The following ABCA1 variants were observed in gnomAD, a reference collection of about 807,000 sequenced individuals.
ABCA1 encodes the protein ATP binding cassette subfamily A member 1, also known as phospholipid-transporting ATPase ABCA1.
A neutral mutation model predicts 262.5 loss-of-function variants in ABCA1; 133 were observed. The observed-to-expected ratio is 0.51, with a 90% CI of 0.44 to 0.59. The LOEUF (loss-of-function observed/expected upper bound fraction) is 0.59. Ranked by LOEUF, ABCA1 falls within the 20% of genes least tolerant of loss-of-function variation. The probability of loss-of-function intolerance (pLI) is 0.00; values close to 1 mark genes in which losing one functional copy is unlikely to be tolerated. For synonymous variants in ABCA1, 1,022 were observed against 1,043.5 expected, an observed-to-expected ratio of 0.98 and a Z score of 0.40; for missense variants, 2,452 against 2,777.5, an observed-to-expected ratio of 0.88 and a Z score of 2.63.
At chr9:104,895,191 A>T (rs1192920949) in intron 2 of ABCA1, among the ~76,000 whole-genome samples, 1 of 152,218 alleles carries the variant, frequency 6.6e-6, no homozygotes, top group Non-Finnish European at 1.5e-5. Flanking sequence ...GGGTGGGAAG[A>T]TGGGAAGAAA....
rs1467223032 is a variant in ABCA1 at position 104,784,410 on chromosome 9, T to G, written c.6691A>C (p.Lys2231Gln). 4 of 1,614,096 alleles carry G rather than the reference T, an allele frequency of 2.5e-6. No homozygotes were observed. The highest frequency in any genetic ancestry group is 3.4e-6 in the Non-Finnish European group (4 of 1,179,982). ...TGGTTTTTGTGTAATGAGAGGTCTT[T>G]TAAGTGGTCATCATCACTTTGGTCC... ...AKDQSDDDHL[K>Q]DLSLHKNQTV... Residue 2231 changes from lysine to glutamine, a missense_variant, in exon 50 of 50, where the codon AAA becomes CAA. Around this residue, in one of 4 missense-constraint regions of ABCA1, gnomAD observed 752 missense variants for 944.5 expected, o/e 0.80. Transcript: ENST00000374736.
At chr9:104,907,892 C>T (rs1841268640) in intron 1 of ABCA1, among the ~76,000 whole-genome samples, 1 of 152,210 alleles carries the variant, frequency 6.6e-6, no homozygotes, top group African/African-American at 2.4e-5. Context: ...ATGTGACAAT[C>T]TCCACACCTC....
At chr9:104,802,405 A>G (rs1368624372) in intron 33 of ABCA1, among the ~76,000 whole-genome samples, 43 of 152,244 alleles carry the variant, frequency 2.8e-4, no homozygotes, top group Non-Finnish European at 5.9e-5. Context: ...TAGCTGAGAC[A>G]TTGAGGAAAG....
chr9:104,906,203 A>T (rs1841122130), intron 1 of ABCA1, among the ~76,000 whole-genome samples: 1 of 152,148 alleles, frequency 6.6e-6, no homozygotes, highest in Non-Finnish European at 1.5e-5. Flanking sequence ...GGGTTTCTGG[A>T]AAGATAGGAG....
intron 7 of ABCA1, among the ~76,000 whole-genome samples, chr9:104,848,338 G>C (rs1835072927): frequency 6.6e-6 from 1 of 152,092 alleles, no homozygotes; most frequent in Admixed American, 6.5e-5. Context: ...ATTCAGGCTG[G>C]GCATGGTGGC....
At chr9:104,864,657 C>T (rs1415677792) in intron 5 of ABCA1, among the ~76,000 whole-genome samples, 1 of 152,082 alleles carries the variant, frequency 6.6e-6, no homozygotes, top group Non-Finnish European at 1.5e-5. Flanking sequence ...ACTAGGTGGG[C>T]CATAGCTTCC....
chr9:104,816,221 T>C lies in ABCA1; in HGVS notation c.3660A>G (p.Glu1220=). 6.2e-7 allele frequency: 1 copy of C among 1,613,730 alleles called. No homozygotes were observed. The highest frequency in any genetic ancestry group is 8.5e-7 in the Non-Finnish European group (1 of 1,179,922). Residue 1220 remains glutamate (E), a synonymous_variant, in exon 25 of 50, where the codon GAA becomes GAG. Transcript: ENST00000374736. Reference sequence around the variant, plus strand: ...GCCGGTCATCAATCTCATGAAAGAGTTCCACAAAGGCTCCCTCCTTAGCAG... The same window carrying C: ...GCCGGTCATCAATCTCATGAAAGAGCTCCACAAAGGCTCCCTCCTTAGCAG... ...YEAAKEGAFV[E]LFHEIDDRLS...
At chr9:104,800,684 G>T in intron 34 of ABCA1, 100 bp from the exon 35 acceptor site, 1 of 993,158 alleles carries the variant, frequency 1.0e-6, no homozygotes. Flanking sequence ...CCTGTGAAGA[G>T]CAATGCCACT....
chr9:104,827,088 A>C lies in ABCA1; in HGVS notation c.2197T>G (p.Cys733Gly). The change falls in exon 16 of 50, where the codon TGC becomes GGC. Residue 733 changes from cysteine (C) to glycine (G), a missense_variant. Transcript: ENST00000374736. ...SVFAVVTILQ[C>G]FLISTLFSRA... ...GAGAAGAGTGTGCTAATCAGGAAGCACTGCAGGATTGTCACCACAGCAAAC... is the reference window on the plus strand; with the variant it reads ...GAGAAGAGTGTGCTAATCAGGAAGCCCTGCAGGATTGTCACCACAGCAAAC... 6.2e-7 allele frequency: 1 copy of C among 1,614,210 alleles called. No individual in the cohort carries two copies. Among genetic ancestry groups the C allele is most frequent in the Non-Finnish European group, 8.5e-7 (1 of 1,180,040 alleles).
intron 1 of ABCA1, among the ~76,000 whole-genome samples, chr9:104,917,699 A>T (rs1841927381): frequency 6.6e-6 from 1 of 152,044 alleles, no homozygotes; most frequent in Non-Finnish European, 1.5e-5. Flanking sequence ...GGTTGCAGTG[A>T]GCCGAGGTGG....
chr9:104,830,677 G>A (rs961246492), intron 14 of ABCA1, among the ~76,000 whole-genome samples: 10 of 151,492 alleles, frequency 6.6e-5, no homozygotes, highest in Non-Finnish European at 1.5e-4. Flanking sequence ...GCGTCAGAGC[G>A]AGACTCCATC....
At chr9:104,853,027 A>C (rs1483042556) in intron 7 of ABCA1, among the ~76,000 whole-genome samples, 1 of 151,992 alleles carries the variant, frequency 6.6e-6, no homozygotes, top group African/African-American at 2.4e-5. Context: ...GACTTTGTTC[A>C]CTCCTTATCC....
At chr9:104,885,872 G>C (rs1477830460) in intron 3 of ABCA1, among the ~76,000 whole-genome samples, 1 of 152,174 alleles carries the variant, frequency 6.6e-6, no homozygotes, top group African/African-American at 2.4e-5. Flanking sequence ...CACAGCTCTA[G>C]GTGGTGAAGA....
At chr9:104,800,070 A>C in intron 35 of ABCA1, 82 bp from the exon 36 acceptor site, 1 of 1,497,498 alleles carries the variant, frequency 6.7e-7, no homozygotes, top group Non-Finnish European at 9.3e-7. Context: ...AACCATGCCC[A>C]TAAACCTCAG....
intron 44 of ABCA1, among the ~76,000 whole-genome samples, chr9:104,790,047 G>A (rs1564079606): frequency 6.6e-6 from 1 of 151,888 alleles, no homozygotes; most frequent in Admixed American, 6.6e-5. Context: ...AGTGAGCCAA[G>A]GTCGCGCCAT....
At chr9:104,800,707 G>T in intron 34 of ABCA1, 123 bp from the exon 35 acceptor site, 10 of 842,172 alleles carry the variant, frequency 1.2e-5, no homozygotes, top group East Asian at 5.1e-5. Context: ...CTTGTTCACT[G>T]AAATTAAATG....
chr9:104,792,835 A>G lies in ABCA1; in HGVS notation c.5708T>C (p.Leu1903Pro). ...EDVRRERQRI[L>P]DGGGQNDILE... is the part of the protein sequence containing the mutation. ...GATGTCATTCTGGCCTCCACCATCA[A>G]GAATTCTCTGTCTTTCCCGCCTCAC... The change falls in exon 42 of 50, where the codon CTT becomes CCT. Residue 1903 changes from leucine (L) to proline (P), a missense_variant. Leu to Pro is a moderately conservative substitution (Grantham distance 98). Around this residue, in one of 4 missense-constraint regions of ABCA1, gnomAD observed 752 missense variants for 944.5 expected, o/e 0.80. Coordinates refer to ENST00000374736, the MANE Select transcript of ABCA1 (RefSeq NM_005502.4). The G allele has an allele frequency of 6.2e-7, 1 of 1,614,190 alleles. No individual in the cohort carries two copies. The highest frequency in any genetic ancestry group is 8.5e-7 in the Non-Finnish European group (1 of 1,180,016).
intron 3 of ABCA1, among the ~76,000 whole-genome samples, chr9:104,885,236 CA>C (rs1488191586): frequency 2.0e-5 from 3 of 151,852 alleles, no homozygotes; most frequent in Non-Finnish European, 4.4e-5. Context: ...AACTCCATTT[CA>C]AAAAAATAAA....
chr9:104,837,385 G>A, intron 10 of ABCA1, 43 bp downstream of exon 10: 2 of 1,613,290 alleles, frequency 1.2e-6, no homozygotes, highest in Admixed American at 1.7e-5. Flanking sequence ...CCCCAGTTCT[G>A]GGGAGATTCT....
Sources: gnomAD v4.1 joint callset for allele counts (sites outside exome capture counted in the v4.1 genomes callset) on GRCh38, gnomAD v4.1.1 for gene constraint, gnomAD v4.1.1 regional missense constraint, MANE v1.5 for transcripts, NCBI Gene and HGNC (gene_info 2026-07-23, HGNC 2026-07-21) for gene names.